MAPRE2: variants seen among roughly 807,000 people sequenced by gnomAD.
The protein encoded by MAPRE2 is microtubule associated protein RP/EB family member 2, also known as microtubule-associated protein RP/EB family member 2.
Under a neutral mutation model 43.2 loss-of-function variants are expected in MAPRE2, and 13 were observed. The ratio of observed to expected loss-of-function variants is 0.30; its 90% confidence interval spans 0.20 to 0.48. The LOEUF is 0.48. Ranked by LOEUF, MAPRE2 falls within the 20% of genes least tolerant of loss-of-function variation. MAPRE2 has a pLI of 0.99. For missense variants in MAPRE2, 161 were observed against 400.2 expected (o/e 0.40, Z 5.10); for synonymous variants, 135 against 148.8 (o/e 0.91, Z 0.68).
chr18:35,102,591 G>A (rs1178844066), intron 4 of MAPRE2, among the ~76,000 whole-genome samples: 1 of 152,112 alleles, frequency 6.6e-6, no homozygotes, highest in Non-Finnish European at 1.5e-5. Flanking sequence ...AAGGAAATTC[G>A]TGAACTGTAC....
rs765469490 is a variant in MAPRE2 at position 35,097,498 on chromosome 18, G to A, written c.303G>A (p.Leu101=). 22 of 1,613,796 alleles carry A rather than the reference G, an allele frequency of 1.4e-5. No individual in the cohort carries two copies. In the East Asian group the frequency reaches 1.6e-4, roughly 11 times the overall value. The change falls in exon 3 of 7, where the codon TTG becomes TTA. Residue 101 remains leucine, a synonymous_variant. Transcript: ENST00000300249. The part of the protein sequence containing the change: ...MDMLFPGCIS[L]KKVKFQAKLE... Reference sequence around the variant, plus strand: ...TGCTCTTCCCTGGCTGCATTAGTTTGAAGAAAGTAAAATTTCAAGCAAAGC... The same window carrying A: ...TGCTCTTCCCTGGCTGCATTAGTTTAAAGAAAGTAAAATTTCAAGCAAAGC...
At chr18:35,095,795 C>T (rs551416651) in intron 2 of MAPRE2, among the ~76,000 whole-genome samples, 1 of 152,074 alleles carries the variant, frequency 6.6e-6, no homozygotes, top group Non-Finnish European at 1.5e-5. Context: ...GGTGATGACT[C>T]AAAGAATACC....
At chr18:34,995,978 A>G (rs550761418) in intron 1 of MAPRE2, among the ~76,000 whole-genome samples, 1 of 152,312 alleles carries the variant, frequency 6.6e-6, no homozygotes, top group South Asian at 2.1e-4. Context: ...CATAACCTGC[A>G]TTGTAACAAA....
At chr18:35,127,408 C>T (rs570258537) in intron 5 of MAPRE2, 11 of 252,278 alleles carry the variant, frequency 4.4e-5, no homozygotes, top group African/African-American at 2.4e-4. Flanking sequence ...ATCCTGCCCA[C>T]TTCTGGCCAT....
intron 2 of MAPRE2, among the ~76,000 whole-genome samples, chr18:35,093,379 A>T (rs9957371): frequency 1.2e-3 from 185 of 152,234 alleles, no homozygotes; most frequent in African/African-American, 3.5e-3. Context: ...AACACTAAAA[A>T]TAGAACTACC....
At chr18:35,104,976 G>C (rs768385799) in intron 4 of MAPRE2, among the ~76,000 whole-genome samples, 1 of 152,036 alleles carries the variant, frequency 6.6e-6, no homozygotes, top group Non-Finnish European at 1.5e-5. Flanking sequence ...ACAGACCTCA[G>C]AATATTTTCT....
chr18:35,047,144 A>AGT (rs931732442), intron 1 of MAPRE2, among the ~76,000 whole-genome samples: 1 of 152,154 alleles, frequency 6.6e-6, no homozygotes, highest in Non-Finnish European at 1.5e-5. Context: ...TACCCTAAAT[A>AGT]GTGTGTGTGT....
At chr18:35,124,944 G>A (rs1255119358) in intron 4 of MAPRE2, among the ~76,000 whole-genome samples, 1 of 152,128 alleles carries the variant, frequency 6.6e-6, no homozygotes, top group Non-Finnish European at 1.5e-5. Context: ...CAGAGCTGAA[G>A]CCCATATACC....
At chr18:35,033,741 T>C (rs373764758) in intron 2 of MAPRE2, among the ~76,000 whole-genome samples, 2 of 151,320 alleles carry the variant, frequency 1.3e-5, no homozygotes, top group Admixed American at 1.3e-4. Flanking sequence ...AGAGCCAAAT[T>C]ATGAGTGAAC....
chr18:35,115,936 CTCAG>C (rs1909389843), intron 4 of MAPRE2, among the ~76,000 whole-genome samples: 1 of 152,158 alleles, frequency 6.6e-6, no homozygotes, highest in South Asian at 2.1e-4. Flanking sequence ...TACCTGAATT[CTCAG>C]TCATTCTTTT....
chr18:35,034,298 C>T (rs2097049345), intron 2 of MAPRE2, among the ~76,000 whole-genome samples: 1 of 152,200 alleles, frequency 6.6e-6, no homozygotes, highest in Non-Finnish European at 1.5e-5. Context: ...GCTGGGAAAA[C>T]TGGCTAGCCA....
intron 2 of MAPRE2, chr18:35,070,580 T>A (rs1907064826): frequency 3.8e-6 from 1 of 259,778 alleles, no homozygotes; most frequent in African/African-American, 2.2e-5. Context: ...TGCCTTTCAC[T>A]GGCTCCTAGC....
intron 2 of MAPRE2, among the ~76,000 whole-genome samples, chr18:35,089,642 C>T (rs148984922): frequency 2.0e-5 from 3 of 152,156 alleles, no homozygotes; most frequent in African/African-American, 7.2e-5. Context: ...AGAATCAAAA[C>T]GACAGACAAG....
intron 1 of MAPRE2, among the ~76,000 whole-genome samples, chr18:34,996,899 G>A (rs2150576974): frequency 6.6e-6 from 1 of 152,266 alleles, no homozygotes; most frequent in East Asian, 1.9e-4. Context: ...CCTGTGATTT[G>A]GAATCACAAG....
chr18:35,089,173 G>A (rs1051725118), intron 2 of MAPRE2, among the ~76,000 whole-genome samples: 1 of 152,208 alleles, frequency 6.6e-6, no homozygotes, highest in Non-Finnish European at 1.5e-5. Context: ...AGCACAAGTA[G>A]AGAGTTGAAC....
intron 1 of MAPRE2, among the ~76,000 whole-genome samples, chr18:34,989,821 T>G (rs1473256613): frequency 6.6e-6 from 1 of 152,090 alleles, no homozygotes; most frequent in African/African-American, 2.4e-5. Flanking sequence ...ACATTCTCAT[T>G]CAGAATCTGC....
intron 1 of MAPRE2, among the ~76,000 whole-genome samples, chr18:35,048,233 C>T (rs1477242247): frequency 6.6e-6 from 1 of 152,072 alleles, no homozygotes; most frequent in Non-Finnish European, 1.5e-5. Flanking sequence ...GCAACCAGCT[C>T]ATGTGAGAAG....
At chr18:35,121,941 T>A (rs1909695348) in intron 4 of MAPRE2, among the ~76,000 whole-genome samples, 1 of 152,156 alleles carries the variant, frequency 6.6e-6, no homozygotes. Flanking sequence ...ACTGTGCAGT[T>A]TTGTGAGAAC....
chr18:34,998,206 ATGTCAGCATCC>A (rs1441475896), intron 1 of MAPRE2, among the ~76,000 whole-genome samples: 2 of 151,954 alleles, frequency 1.3e-5, no homozygotes, highest in African/African-American at 4.8e-5. Context: ...GTTTGTTGTT[ATGTCAGCATCC>A]TGGGGTCTTC....
Sources: allele counts gnomAD v4.1 joint callset (sites outside exome capture counted in the v4.1 genomes callset), GRCh38; gene constraint gnomAD v4.1.1; transcripts MANE v1.5; gene names NCBI Gene and HGNC (gene_info 2026-07-23, HGNC 2026-07-21).